Variants in ASIC1 observed in about 807,000 individuals in gnomAD.
ASIC1 encodes the protein acid sensing ion channel subunit 1, also known as acid-sensing ion channel 1.
A neutral mutation model predicts 63.4 loss-of-function variants in ASIC1; 21 were observed. The observed-to-expected ratio is 0.33, with a 90% CI of 0.23 to 0.48. The LOEUF is 0.48. ASIC1 is among the 20% of genes least tolerant of loss of function. The pLI, the probability that ASIC1 is intolerant of heterozygous loss-of-function variation, is 0.99. For missense variants in ASIC1, 478 were observed against 695.5 expected (o/e 0.69, Z 3.52); for synonymous variants, 258 against 278.2 (o/e 0.93, Z 0.72).
rs376276861 is a variant in ASIC1, at chr12:50,074,860, CTGTGTGTGTGTGTGTGTGTG to C, written c.559-2325_559-2306del. ...TATGGACGCCCCACCCCCACCAGCTCTGTGTGTGTGTGTGTGTGTGTGTGTGTGTGTGTGTGTGTGTGTGT... is the reference window on the plus strand; with the variant it reads ...TATGGACGCCCCACCCCCACCAGCTCTGTGTGTGTGTGTGTGTGTGTGTGT... On this transcript the variant is annotated intron_variant, in intron 3 of 11. Transcript: ENST00000447966. This position sits in a 1 kb window ranked among gnomAD's most constrained non-coding sequence, Gnocchi z 4.2. Among the ~76,000 whole-genome samples the C allele has an allele frequency of 1.3e-4, 18 of 141,498 alleles. No homozygotes were observed. In the East Asian group the frequency reaches 3.3e-3, roughly 26 times the overall value. 92.8% of individuals were successfully genotyped at this position (141,498 alleles called of 152,430 possible).
In ASIC1 at chr12:50,057,672, G is replaced by T. The variant is rs950020908; in HGVS notation, c.-261G>T. The T allele has an allele frequency of 6.6e-6, 1 of 151,468 alleles. No homozygotes were observed. The highest frequency in any genetic ancestry group is 2.4e-5 in the African/African-American group (1 of 41,362). 9.4% of individuals were successfully genotyped at this position (151,468 alleles called of 1,614,324 possible). On this transcript the variant is annotated 5_prime_UTR_variant, in exon 1 of 12. Transcript: ENST00000447966. The surrounding 1 kb of genome is among the most constrained non-coding windows in gnomAD (Gnocchi z 4.7). ...CAGGGCTGAGAGCACCGCGCACCGC[G>T]CCGAGCCCGGGCAGACCGAGCCGAG...
At position 50,081,252 on chromosome 12, in the gene ASIC1, C is replaced by G; in HGVS notation, c.1378-8C>G. The G allele has an allele frequency of 6.2e-7, 1 of 1,605,888 alleles. No homozygotes were observed. The highest frequency in any genetic ancestry group is 8.5e-7 in the Non-Finnish European group (1 of 1,176,348). On this transcript the variant is annotated splice_region_variant and splice_polypyrimidine_tract_variant and intron_variant, in intron 10 of 11. Coordinates refer to ENST00000447966, the MANE Select transcript of ASIC1 (RefSeq NM_001095.4). ...CCAGCCCGCCCACCTGCCCCGTCCCCGTCCTAGGTCATTAAGCACAAGCTG... is the reference window on the plus strand; with the variant it reads ...CCAGCCCGCCCACCTGCCCCGTCCCGGTCCTAGGTCATTAAGCACAAGCTG...
intron 7 of ASIC1, 60 bp downstream of exon 7, chr12:50,079,040 G>T: frequency 1.3e-6 from 2 of 1,544,632 alleles, no homozygotes; most frequent in Non-Finnish European, 8.9e-7. Flanking sequence ...AGCCACGTGC[G>T]CAGGAGTTTC....
chr12:50,072,923 G>C (rs935211541), intron 3 of ASIC1, among the ~76,000 whole-genome samples: 3 of 152,184 alleles, frequency 2.0e-5, no homozygotes, highest in Non-Finnish European at 4.4e-5. Context: ...AGAGAAACAG[G>C]GTCGGGGACT....
chr12:50,062,010 T>G (rs1367580280), intron 3 of ASIC1, among the ~76,000 whole-genome samples: 1 of 152,210 alleles, frequency 6.6e-6, no homozygotes, highest in Non-Finnish European at 1.5e-5. Context: ...AGGTTTTTGC[T>G]GTTTTGCAGC....
Position 50,059,063 on chromosome 12 carries a change from C to T in ASIC1, c.297C>T (p.Arg99=). 6.2e-7 allele frequency: 1 copy of T among 1,614,202 alleles called. No homozygotes were observed. Among genetic ancestry groups the T allele is most frequent in the South Asian group, 1.1e-5 (1 of 91,092 alleles). The change falls in exon 2 of 12, where the codon CGC becomes CGT. Residue 99 remains arginine (R), a synonymous_variant. Coordinates refer to ENST00000447966, the MANE Select transcript of ASIC1 (RefSeq NM_001095.4). This position sits in a 1 kb window ranked among gnomAD's most constrained non-coding sequence, Gnocchi z 4.6. The stretch of plus-strand genomic sequence containing the variant: ...CGCTGTGCAACCTCAACGAGTTCCG[C>T]TTTAGCCAAGTCTCCAAGAATGACC... ...AVTLCNLNEF[R]FSQVSKNDLY...
At chr12:50,080,354 C>T (rs1950702678) in intron 8 of ASIC1, 144 bp from the exon 9 acceptor site, 4 of 861,920 alleles carry the variant, frequency 4.6e-6, no homozygotes, top group East Asian at 2.6e-5. Context: ...TCATTTAATC[C>T]TAAAAGGCAG....
In ASIC1 at chr12:50,078,232, G is replaced by A. The variant is rs1228040461; in HGVS notation, c.837+105G>A. On this transcript the variant is annotated intron_variant, in intron 5 of 11. Coordinates refer to ENST00000447966, the MANE Select transcript of ASIC1 (RefSeq NM_001095.4). This position sits in a 1 kb window ranked among gnomAD's most constrained non-coding sequence, Gnocchi z 6.0. ...AGGACAGGTGAGCAAGGACCTGGGT[G>A]GTAATCTGGCTAGTCAGAAGCATGA... The A allele has an allele frequency of 9.1e-6, 14 of 1,532,664 alleles. No homozygotes were observed. The Admixed American group carries it at 2.6e-4, about 28-fold the overall frequency. The allele number at this position is 1,532,664 out of a possible 1,614,324, so 94.9% of individuals were successfully genotyped here.
chr12:50,072,259 C>T (rs991751764), intron 3 of ASIC1, among the ~76,000 whole-genome samples: 1 of 152,166 alleles, frequency 6.6e-6, no homozygotes, highest in Non-Finnish European at 1.5e-5. Flanking sequence ...CACCTAGCCC[C>T]GGTCTAGCCC....
intron 9 of ASIC1, 51 bp downstream of exon 9, chr12:50,080,640 G>A (rs1440515451): frequency 6.2e-7 from 1 of 1,614,170 alleles, no homozygotes; most frequent in South Asian, 1.1e-5. Flanking sequence ...GCATGGCGTG[G>A]CTCCCTATCA....
intron 3 of ASIC1, among the ~76,000 whole-genome samples, chr12:50,068,016 G>A (rs570119509): frequency 6.6e-6 from 1 of 152,116 alleles, no homozygotes; most frequent in South Asian, 2.1e-4. Context: ...CTGTTTCCTA[G>A]TCAATGCTAC....
rs748216409 is a variant in ASIC1 at position 50,080,084 on chromosome 12, C to T, written c.1205+29C>T. The T allele has an allele frequency of 2.5e-6, 4 of 1,587,894 alleles. No homozygotes were observed. In the South Asian group the frequency reaches 4.6e-5, roughly 18 times the overall value. Reference sequence around the variant, plus strand: ...AGGGCTCTGGCTGGGTAGAGCAAGGCCCTTGGGTTGGGACTGTGGAATGGA... The same window carrying T: ...AGGGCTCTGGCTGGGTAGAGCAAGGTCCTTGGGTTGGGACTGTGGAATGGA... On this transcript the variant is annotated intron_variant, in intron 8 of 11. Transcript: ENST00000447966.
intron 3 of ASIC1, among the ~76,000 whole-genome samples, chr12:50,069,924 G>A (rs533672073): frequency 6.6e-6 from 1 of 152,218 alleles, no homozygotes; most frequent in Non-Finnish European, 1.5e-5. Flanking sequence ...CCTAAGACTT[G>A]AATAGGCTGG....
chr12:50,082,690 C>G lies in ASIC1; in HGVS notation c.*1041C>G, dbSNP rs1032547668. On this transcript the variant is annotated 3_prime_UTR_variant, in exon 12 of 12. Transcript: ENST00000447966. Reference sequence around the variant, plus strand: ...TCTATGTTTCTACTCCCTCCCTGGTCTCTGAATGCCTTCGCCTGTATAAAG... The same window carrying G: ...TCTATGTTTCTACTCCCTCCCTGGTGTCTGAATGCCTTCGCCTGTATAAAG... 2 of 152,696 alleles carry G rather than the reference C, an allele frequency of 1.3e-5. No individual in the cohort carries two copies. The highest frequency in any genetic ancestry group is 4.8e-5 in the African/African-American group (2 of 41,442). The allele number at this position is 152,696 out of a possible 1,614,324, so 9.5% of individuals were successfully genotyped here. A position where few individuals can be genotyped will look rare whatever the true frequency, so the allele number is the denominator to read the frequency against.
rs768938643 is a variant in ASIC1 at position 50,078,102 on chromosome 12, C to T, written c.812C>T (p.Thr271Ile). Reference protein sequence around the residue: ...LGFGVAPGFQTFVACQEQRLI... With the variant: ...LGFGVAPGFQIFVACQEQRLI... ...TTTGGCGTGGCCCCAGGCTTCCAGA[C>T]CTTTGTGGCCTGCCAGGAGCAGCGG... The change falls in exon 5 of 12, where the codon ACC becomes ATC. Residue 271 changes from threonine to isoleucine, a missense_variant. Thr to Ile is a moderately conservative substitution (Grantham distance 89). Transcript: ENST00000447966. The surrounding 1 kb of genome is among the most constrained non-coding windows in gnomAD (Gnocchi z 6.0). The T allele has an allele frequency of 1.1e-5, 18 of 1,613,752 alleles. No individual in the cohort carries two copies. The highest frequency in any genetic ancestry group is 1.4e-5 in the Non-Finnish European group (17 of 1,179,892).
In ASIC1 at chr12:50,059,703, G is replaced by A; in HGVS notation, c.363-56G>A. The A allele has an allele frequency of 6.4e-7, 1 of 1,559,344 alleles. No homozygotes were observed. The highest frequency in any genetic ancestry group is 1.8e-5 in the Admixed American group (1 of 54,930). ...GAGGCTGCCCCCATCACCCAAGTTG[G>A]GTGCAGGACACTGATGACTGTACTG... is the stretch of plus-strand genomic sequence containing the variant. On this transcript the variant is annotated intron_variant, in intron 2 of 11. Coordinates refer to ENST00000447966, the MANE Select transcript of ASIC1 (RefSeq NM_001095.4). This position sits in a 1 kb window ranked among gnomAD's most constrained non-coding sequence, Gnocchi z 4.6.
Position 50,059,374 on chromosome 12 carries a change from A to C in ASIC1, c.362+246A>C, listed in dbSNP as rs1215199317. ...CCCCACCCAGCCTGAGGTATGAGACATTGTCACCCTCTCTGGAGTGAGCTT... is the reference window on the plus strand; with the variant it reads ...CCCCACCCAGCCTGAGGTATGAGACCTTGTCACCCTCTCTGGAGTGAGCTT... On this transcript the variant is annotated intron_variant, in intron 2 of 11. Transcript: ENST00000447966. This position sits in a 1 kb window ranked among gnomAD's most constrained non-coding sequence, Gnocchi z 4.6. 3.9e-5 allele frequency among the ~76,000 whole-genome samples: 6 copies of C among 152,144 alleles called. No homozygotes were observed. Among genetic ancestry groups the C allele is most frequent in the Admixed American group, 3.9e-4 (6 of 15,274 alleles).
chr12:50,067,414 T>TG (rs1335953864), intron 3 of ASIC1, among the ~76,000 whole-genome samples: 1 of 151,422 alleles, frequency 6.6e-6, no homozygotes, highest in Non-Finnish European at 1.5e-5. Context: ...GCTGTTGTTT[T>TG]TTTTTTTTTT....
At position 50,066,067 on chromosome 12, in the gene ASIC1, G is replaced by A. The variant is rs144088353; in HGVS notation, c.558+6113G>A. Among the ~76,000 whole-genome samples, 19 of 152,372 alleles carry A rather than the reference G, an allele frequency of 1.2e-4. No individual in the cohort carries two copies. In the East Asian group the frequency reaches 3.7e-3, roughly 29 times the overall value. On this transcript the variant is annotated intron_variant, in intron 3 of 11. Coordinates refer to ENST00000447966, the MANE Select transcript of ASIC1 (RefSeq NM_001095.4). ...TGGGGGCCCATGCAGCTTGGTGTGT[G>A]TGGCTGTGAGAGAAAGCTTCTGTGT...
Sources: gnomAD v4.1 joint callset for allele counts (sites outside exome capture counted in the v4.1 genomes callset) on GRCh38, gnomAD v4.1.1 for gene constraint, Gnocchi (gnomAD v3.1) non-coding constraint, MANE v1.5 for transcripts, NCBI Gene and HGNC (gene_info 2026-07-23, HGNC 2026-07-21) for gene names.